Variants in NR1H2 observed in about 807,000 individuals in gnomAD.
NR1H2 encodes the protein nuclear receptor subfamily 1 group H member 2, also known as oxysterols receptor LXR-beta.
Under a neutral mutation model 51.2 loss-of-function variants are expected in NR1H2, and 33 were observed. That is an observed-to-expected ratio of 0.64 (90% CI 0.49 to 0.86). NR1H2 has a LOEUF of 0.86. Ranked by LOEUF, NR1H2 falls within the 40% of genes least tolerant of loss-of-function variation. The pLI is 0.00. For missense variants in NR1H2, 592 were observed against 639.9 expected (o/e 0.93, Z 0.81); for synonymous variants, 310 against 264.3 (o/e 1.17, Z -1.68).
In NR1H2 at chr19:50,378,138, A is replaced by C. The variant is rs1172829496; in HGVS notation, c.182-11A>C. 1 of 1,602,710 alleles carries C rather than the reference A, an allele frequency of 6.2e-7. No homozygotes were observed. The highest frequency in any genetic ancestry group is 8.5e-7 in the Non-Finnish European group (1 of 1,173,172). ...TGTGGCTTTCTCATGGCCTCTACCT[A>C]CCCACCCCAGTCATCCCAGATCCCG... is the stretch of plus-strand genomic sequence containing the variant. On this transcript the variant is annotated splice_polypyrimidine_tract_variant and intron_variant, in intron 4 of 9. Transcript: ENST00000253727.
In NR1H2 at chr19:50,382,074, C is replaced by T. The variant is rs1296806537; in HGVS notation, c.1136C>T (p.Ser379Leu). 6 of 1,552,102 alleles carry T rather than the reference C, an allele frequency of 3.9e-6. No homozygotes were observed. The highest frequency in any genetic ancestry group is 4.4e-6 in the Non-Finnish European group (5 of 1,148,490). ...YALLIAINIF[S>L]ADRPNVQEPG... is the part of the protein sequence containing the mutation. ...CTGCTCATCGCCATCAACATCTTCT[C>T]GGCCGACCGGCCCAACGTGCAGGAG... Residue 379 changes from serine to leucine, a missense_variant, in exon 9 of 10, where the codon TCG (serine) becomes TTG (leucine). Physicochemically the swap from Ser to Leu is moderately radical, Grantham distance 145. Transcript: ENST00000253727.
chr19:50,382,364 G>T, intron 9 of NR1H2, 92 bp from the exon 10 acceptor site: 3 of 1,486,658 alleles, frequency 2.0e-6, no homozygotes, highest in Non-Finnish European at 2.7e-6. Context: ...CCCACGCCTG[G>T]TCGGGGAGGG....
chr19:50,383,377 C>T lies in NR1H2; in HGVS notation c.*775C>T, dbSNP rs758825382. Among the ~76,000 whole-genome samples, 10 of 152,208 alleles carry T rather than the reference C, an allele frequency of 6.6e-5. No homozygotes were observed. The highest frequency in any genetic ancestry group is 3.9e-4 in the Admixed American group (6 of 15,278). ...GGAGACATTCACCCAATAAATGTTT[C>T]CAGAGCATTAACTACAGTTAGGCAC... On this transcript the variant is annotated 3_prime_UTR_variant, in exon 10 of 10. Coordinates refer to ENST00000253727, the MANE Select transcript of NR1H2 (RefSeq NM_007121.7).
At position 50,379,847 on chromosome 19, in the gene NR1H2, T is replaced by A. The variant is rs2037737180; in HGVS notation, c.995T>A (p.Phe332Tyr). Residue 332 changes from phenylalanine (F) to tyrosine (Y), a missense_variant, in exon 8 of 10, where the codon TTC (phenylalanine) becomes TAC (tyrosine). This residue lies in a region of NR1H2 where 102 missense variants were observed against 152.4 expected (regional missense o/e 0.67). Coordinates refer to ENST00000253727, the MANE Select transcript of NR1H2 (RefSeq NM_007121.7). ...ETECITFLKD[F>Y]TYSKDDFHRA... ...GAGTGTATCACCTTCTTGAAGGACT[T>A]CACCTACAGCAAGGACGACTTCCAC... 6.2e-7 allele frequency: 1 copy of A among 1,613,788 alleles called. No homozygotes were observed. The highest frequency in any genetic ancestry group is 8.5e-7 in the Non-Finnish European group (1 of 1,179,854).
chr19:50,379,713 A>G, intron 7 of NR1H2, 67 bp from the exon 8 acceptor site: 1 of 986,574 alleles, frequency 1.0e-6, no homozygotes. Flanking sequence ...CATTTGGGCC[A>G]GGAGGGGAGG....
chr19:50,377,038 G>T (rs73932487), intron 2 of NR1H2, among the ~76,000 whole-genome samples: 1,497 of 140,130 alleles, frequency 0.011, 42 homozygotes, highest in African/African-American at 0.038. Flanking sequence ...GGCATGATGG[G>T]AGGGGATGGG....
intron 8 of NR1H2, among the ~76,000 whole-genome samples, chr19:50,380,344 G>A (rs973552525): frequency 6.6e-6 from 1 of 152,252 alleles, no homozygotes; most frequent in Non-Finnish European, 1.5e-5. Flanking sequence ...ATTGTGAAGC[G>A]GGCAGCCTTC....
At chr19:50,376,665 C>G (rs1437081566) in intron 1 of NR1H2, 54 bp from the exon 2 acceptor site, 2 of 152,402 alleles carry the variant, frequency 1.3e-5, no homozygotes, top group Admixed American at 6.5e-5. Context: ...CTGCCCCCTT[C>G]TCTCCTTCCA....
In NR1H2 at chr19:50,377,620, C is replaced by G; in HGVS notation, c.15C>G (p.Thr5=). 6.2e-7 allele frequency: 1 copy of G among 1,613,896 alleles called. No homozygotes were observed. Among genetic ancestry groups the G allele is most frequent in the South Asian group, 1.1e-5 (1 of 91,084 alleles). The change falls in exon 3 of 10, where the codon ACC becomes ACG. Residue 5 remains threonine, a synonymous_variant. Transcript: ENST00000253727. ...GTGACCCCACCATGTCCTCTCCTAC[C>G]ACGAGTTCCCTGGATACCCCCCTGC... is the stretch of plus-strand genomic sequence containing the variant. The part of the protein sequence containing the change: MSSP[T]TSSLDTPLPG...
rs753387556 is a variant in NR1H2, at chr19:50,378,536, G to A, written c.487G>A (p.Glu163Lys). ...GMREQCVLSE[E>K]QIRKKKIRKQ... ...TCCCCCTACAGGCGTCCTTTCTGAA[G>A]AACAGATCCGGAAGAAGAAGATTCG... The change falls in exon 6 of 10, where the codon GAA becomes AAA. Residue 163 changes from glutamate (E) to lysine (K), a missense_variant. Physicochemically the swap from Glu to Lys is moderately conservative, Grantham distance 56. This residue lies in a region of NR1H2 where 316 missense variants were observed against 313.4 expected (regional missense o/e 1.01). Transcript: ENST00000253727. 7 of 1,604,774 alleles carry A rather than the reference G, an allele frequency of 4.4e-6. No individual in the cohort carries two copies. The African/African-American group carries it at 8.3e-5, about 19-fold the overall frequency.
intron 4 of NR1H2, 48 bp from the exon 5 acceptor site, chr19:50,378,101 C>T (rs757756974): frequency 1.6e-5 from 25 of 1,559,962 alleles, no homozygotes; most frequent in Non-Finnish European, 1.8e-5. Flanking sequence ...CTCTCTGGTT[C>T]CTGTTTCTCC....
intron 8 of NR1H2, among the ~76,000 whole-genome samples, chr19:50,381,600 G>C (rs2037766169): frequency 6.6e-6 from 1 of 152,252 alleles, no homozygotes; most frequent in Non-Finnish European, 1.5e-5. Flanking sequence ...AGCAGTGGAA[G>C]CCAGCGCTGG....
chr19:50,382,448 T>G lies in NR1H2; in HGVS notation c.1237-8T>G. 1 of 1,586,206 alleles carries G rather than the reference T, an allele frequency of 6.3e-7. No individual in the cohort carries two copies. Among genetic ancestry groups the G allele is most frequent in the Non-Finnish European group, 8.6e-7 (1 of 1,169,552 alleles). ...GCTCAGCCAGCGCCCACCTGCCTCC[T>G]CCCTCAGGACCAGCTGCGCTTCCCG... On this transcript the variant is annotated splice_polypyrimidine_tract_variant and splice_region_variant and intron_variant, in intron 9 of 9. Transcript: ENST00000253727.
chr19:50,382,873 A>G lies in NR1H2; in HGVS notation c.*271A>G, dbSNP rs1463161917. The stretch of plus-strand genomic sequence containing the variant: ...AGCTTACACCTCAAGCCCAGCACGC[A>G]GTGCACCTTGAACAGAGGGAGGGGA... On this transcript the variant is annotated 3_prime_UTR_variant, in exon 10 of 10. Transcript: ENST00000253727. 2 of 371,794 alleles carry G rather than the reference A, an allele frequency of 5.4e-6. No individual in the cohort carries two copies. The highest frequency in any genetic ancestry group is 9.8e-6 in the Non-Finnish European group (2 of 205,094). 23.0% of individuals were successfully genotyped at this position (371,794 alleles called of 1,614,324 possible).
At chr19:50,382,319 C>T in intron 9 of NR1H2, 137 bp from the exon 10 acceptor site, 1 of 1,350,584 alleles carries the variant, frequency 7.4e-7, no homozygotes, top group Non-Finnish European at 9.9e-7. Context: ...GGAGCCAGGT[C>T]TAGTCCAAGC....
rs777045065 is a variant in NR1H2, at chr19:50,382,572, G to C, written c.1353G>C (p.Leu451=). 6.2e-6 allele frequency: 10 copies of C among 1,601,566 alleles called. No homozygotes were observed. Among genetic ancestry groups the C allele is most frequent in the Non-Finnish European group, 6.8e-6 (8 of 1,174,338 alleles). ...LRLQDKKLPP[L]LSEIWDVHE Reference sequence around the variant, plus strand: ...TCCAGGACAAGAAGCTGCCGCCTCTGCTGTCGGAGATCTGGGACGTCCACG... The same window carrying C: ...TCCAGGACAAGAAGCTGCCGCCTCTCCTGTCGGAGATCTGGGACGTCCACG... Residue 451 remains leucine, a synonymous_variant, in exon 10 of 10, where the codon CTG becomes CTC. Coordinates refer to ENST00000253727, the MANE Select transcript of NR1H2 (RefSeq NM_007121.7).
Position 50,377,845 on chromosome 19 carries a change from C to T in NR1H2, c.156C>T (p.Ala52=), listed in dbSNP as rs1181933070. 1 of 1,593,032 alleles carries T rather than the reference C, an allele frequency of 6.3e-7. No homozygotes were observed. The highest frequency in any genetic ancestry group is 1.8e-5 in the Admixed American group (1 of 55,498). The change falls in exon 4 of 10, where the codon GCC becomes GCT. Residue 52 remains alanine (A), a synonymous_variant. Coordinates refer to ENST00000253727, the MANE Select transcript of NR1H2 (RefSeq NM_007121.7). ...PDPDVPGTDE[A]SSACSTDWVI... ...CTGATGTCCCAGGCACTGATGAGGC[C>T]AGCTCAGCCTGCAGCACAGACTGGG...
chr19:50,380,921 C>T (rs2037755440), intron 8 of NR1H2, among the ~76,000 whole-genome samples: 1 of 152,252 alleles, frequency 6.6e-6, no homozygotes, highest in South Asian at 2.1e-4. Flanking sequence ...GCAGAAGGGT[C>T]CTGTCAGCAC....
Position 50,378,278 on chromosome 19 carries a change from G to A in NR1H2, c.311G>A (p.Cys104Tyr). ...GGCTTCCACTACAACGTGCTCAGCT[G>A]CGAAGGCTGCAAGGGCTTCTTCCGG... The part of the protein sequence containing the change: ...ASGFHYNVLS[C>Y]EGCKGFFRRS... The change falls in exon 5 of 10, where the codon TGC becomes TAC. Residue 104 changes from cysteine to tyrosine, a missense_variant. Coordinates refer to ENST00000253727, the MANE Select transcript of NR1H2 (RefSeq NM_007121.7). 1 of 1,613,564 alleles carries A rather than the reference G, an allele frequency of 6.2e-7. No individual in the cohort carries two copies.
Sources: allele counts gnomAD v4.1 joint callset (sites outside exome capture counted in the v4.1 genomes callset), GRCh38; gene constraint gnomAD v4.1.1; regional missense constraint gnomAD v4.1.1; transcripts MANE v1.5; gene names NCBI Gene and HGNC (gene_info 2026-07-23, HGNC 2026-07-21).